Variants in ZNF385D observed in about 807,000 individuals in gnomAD.
ZNF385D encodes zinc finger protein 385D, also known as zinc finger protein 659.
ZNF385D carries 15 observed loss-of-function variants against 35.8 expected under a neutral mutation model. That is an observed-to-expected ratio of 0.42 (90% CI 0.28 to 0.64). ZNF385D has a LOEUF of 0.64. Among genes scored for constraint, ZNF385D ranks in the 30% least tolerant of loss-of-function variants. The pLI is 0.23. For missense variants in ZNF385D, 474 were observed against 494.6 expected (o/e 0.96, Z 0.39); for synonymous variants, 212 against 186.8 (o/e 1.13, Z -1.10).
chr3:22,359,707 G>A (rs922192916), intron 2 of ZNF385D, among the ~76,000 whole-genome samples: 1 of 151,826 alleles, frequency 6.6e-6, no homozygotes, highest in Non-Finnish European at 1.5e-5. Context: ...GTAAAATGAT[G>A]AATTCAGTTT....
chr3:22,336,021 C>A (rs1291205228), intron 2 of ZNF385D, among the ~76,000 whole-genome samples: 2 of 151,988 alleles, frequency 1.3e-5, no homozygotes, highest in African/African-American at 2.4e-5. Context: ...CAATTCAATT[C>A]TATTCAAAAA....
In ZNF385D at chr3:21,508,174, C is replaced by T. The variant is rs9879922; in HGVS notation, c.439+2687G>A. On this transcript the variant is annotated intron_variant, in intron 4 of 7. Transcript: ENST00000281523. ...GCCCTTTTGAAATTTTCTCTAGCTC[C>T]AGCTTGGAAGGGTGCTTCATCATCT... 1.3e-3 allele frequency among the ~76,000 whole-genome samples: 197 copies of T among 152,238 alleles called. 1 individual carries two copies. Among genetic ancestry groups the T allele is most frequent in the African/African-American group, 4.3e-3 (178 of 41,550 alleles).
At chr3:21,685,093 G>A (rs902905423) in intron 1 of ZNF385D, among the ~76,000 whole-genome samples, 6 of 152,084 alleles carry the variant, frequency 3.9e-5, no homozygotes, top group African/African-American at 1.2e-4. Flanking sequence ...CGTTTTTAAC[G>A]CTAAGAAAAA....
intron 3 of ZNF385D, among the ~76,000 whole-genome samples, chr3:21,558,667 C>T (rs2062828894): frequency 6.6e-6 from 1 of 152,066 alleles, no homozygotes; most frequent in Non-Finnish European, 1.5e-5. Flanking sequence ...TCTATTGGGC[C>T]CGCTTGGCCC....
chr3:21,654,945 A>T (rs1445376507), intron 2 of ZNF385D, among the ~76,000 whole-genome samples: 1 of 151,988 alleles, frequency 6.6e-6, no homozygotes, highest in Non-Finnish European at 1.5e-5. Flanking sequence ...TGGGAGGGAG[A>T]TGTGGAAGAG....
chr3:22,063,119 T>C (rs2125545551), intron 3 of ZNF385D, among the ~76,000 whole-genome samples: 1 of 152,344 alleles, frequency 6.6e-6, no homozygotes, highest in Admixed American at 6.5e-5. Flanking sequence ...CTTTTCTCAC[T>C]AAAAGAAGAC....
chr3:21,750,943 G>C lies in ZNF385D; in HGVS notation c.-27C>G, dbSNP rs753655505. 1 of 1,614,030 alleles carries C rather than the reference G, an allele frequency of 6.2e-7. No homozygotes were observed. The highest frequency in any genetic ancestry group is 8.5e-7 in the Non-Finnish European group (1 of 1,180,006). On this transcript the variant is annotated 5_prime_UTR_variant, in exon 1 of 8. Transcript: ENST00000281523. ...AATCAGACAGCTGGAATCCCACCGC[G>C]GTGTCTTCAGCATCAGCTCTCACCC...
chr3:22,110,101 C>T (rs1478750499), intron 3 of ZNF385D, among the ~76,000 whole-genome samples: 2 of 152,016 alleles, frequency 1.3e-5, no homozygotes, highest in Non-Finnish European at 2.9e-5. Context: ...TCATCTCACA[C>T]CAGTTAGAAT....
chr3:21,687,428 G>C (rs565782387), intron 1 of ZNF385D, among the ~76,000 whole-genome samples: 2 of 152,202 alleles, frequency 1.3e-5, no homozygotes, highest in South Asian at 4.1e-4. Context: ...TTTTGGAGCA[G>C]TTTTATGTTC....
chr3:21,965,618 G>C (rs1296805737), intron 3 of ZNF385D, among the ~76,000 whole-genome samples: 1 of 152,120 alleles, frequency 6.6e-6, no homozygotes. Context: ...GTCTAGATTG[G>C]ATTCTGGACA....
At chr3:21,520,885 A>G (rs1707862138) in intron 3 of ZNF385D, among the ~76,000 whole-genome samples, 1 of 152,206 alleles carries the variant, frequency 6.6e-6, no homozygotes, top group Non-Finnish European at 1.5e-5. Flanking sequence ...TGAAATATTT[A>G]TGCTCTAAAA....
intron 2 of ZNF385D, among the ~76,000 whole-genome samples, chr3:21,567,251 TACAG>T (rs2063181347): frequency 6.6e-6 from 1 of 152,192 alleles, no homozygotes; most frequent in Non-Finnish European, 1.5e-5. Context: ...AATTTAAAAT[TACAG>T]TATCTCTTCC....
intron 3 of ZNF385D, among the ~76,000 whole-genome samples, chr3:21,786,389 AT>A (rs890158129): frequency 1.3e-4 from 19 of 150,900 alleles, no homozygotes; most frequent in African/African-American, 2.4e-4. Flanking sequence ...GGAAGTCGGC[AT>A]TTTTTTTTTC....
intron 3 of ZNF385D, among the ~76,000 whole-genome samples, chr3:21,819,618 G>A (rs1190903443): frequency 7.0e-6 from 1 of 142,478 alleles, no homozygotes; most frequent in South Asian, 2.2e-4. Context: ...TGTTATATAT[G>A]TATGTATTAT....
intron 4 of ZNF385D, among the ~76,000 whole-genome samples, chr3:21,505,051 A>G (rs1575067596): frequency 6.6e-6 from 1 of 152,250 alleles, no homozygotes; most frequent in East Asian, 1.9e-4. Flanking sequence ...AATGGGAGGG[A>G]AGTGGACTCT....
At chr3:22,216,794 G>A (rs114964241) in intron 2 of ZNF385D, among the ~76,000 whole-genome samples, 231 of 152,152 alleles carry the variant, frequency 1.5e-3, no homozygotes, top group African/African-American at 5.2e-3. Flanking sequence ...CAGAGGTCTC[G>A]TCAATGAAAA....
At chr3:22,210,700 GATTA>G (rs1231986845) in intron 2 of ZNF385D, among the ~76,000 whole-genome samples, 8 of 151,848 alleles carry the variant, frequency 5.3e-5, no homozygotes, top group Non-Finnish European at 1.0e-4. Flanking sequence ...GTTCCTTGGA[GATTA>G]ATTAATCTCT....
At chr3:22,179,493 C>T (rs1031850710) in intron 2 of ZNF385D, among the ~76,000 whole-genome samples, 3 of 152,164 alleles carry the variant, frequency 2.0e-5, no homozygotes, top group Non-Finnish European at 1.5e-5. Context: ...TGGGCTGAGA[C>T]GACGGGGTTT....
chr3:21,954,507 A>C (rs909308290), intron 3 of ZNF385D, among the ~76,000 whole-genome samples: 1 of 152,054 alleles, frequency 6.6e-6, no homozygotes, highest in African/African-American at 2.4e-5. Context: ...ATTTTGCAGC[A>C]ATTTTAGTGT....
Sources: gnomAD v4.1 joint callset for allele counts (sites outside exome capture counted in the v4.1 genomes callset) on GRCh38, gnomAD v4.1.1 for gene constraint, MANE v1.5 for transcripts, NCBI Gene and HGNC (gene_info 2026-07-23, HGNC 2026-07-21) for gene names.